The following CILK1 variants were observed in gnomAD, a reference collection of about 807,000 sequenced individuals.
CILK1 encodes the protein serine/threonine-protein kinase ICK.
A neutral mutation model predicts 79.2 loss-of-function variants in CILK1; 47 were observed. That is an observed-to-expected ratio of 0.59 (90% CI 0.47 to 0.76). The LOEUF (loss-of-function observed/expected upper bound fraction) is 0.76. CILK1 is among the 30% of genes least tolerant of loss of function. The pLI is 0.00. For missense variants in CILK1, 660 were observed against 769.5 expected (o/e 0.86, Z 1.68); for synonymous variants, 266 against 275.9 (o/e 0.96, Z 0.36).
chr6:53,054,927 C>A (rs193118103), intron 1 of CILK1, among the ~76,000 whole-genome samples: 1 of 152,250 alleles, frequency 6.6e-6, no homozygotes, highest in Non-Finnish European at 1.5e-5. Context: ...AAAATGGAGG[C>A]GAGGGGCAGG....
intron 1 of CILK1, among the ~76,000 whole-genome samples, chr6:53,048,574 C>T (rs1035466808): frequency 3.9e-5 from 6 of 152,238 alleles, no homozygotes; most frequent in Non-Finnish European, 7.4e-5. Context: ...TGTGGTGGCC[C>T]AAATATGATG....
chr6:53,020,063 A>G (rs538696020), intron 5 of CILK1, among the ~76,000 whole-genome samples: 5 of 152,206 alleles, frequency 3.3e-5, no homozygotes, highest in African/African-American at 1.2e-4. Context: ...AATATGACCT[A>G]CTCATATCTG....
intron 4 of CILK1, among the ~76,000 whole-genome samples, 153 bp from the exon 5 acceptor site, chr6:53,031,297 T>C (rs1765945916): frequency 6.6e-6 from 1 of 152,186 alleles, no homozygotes; most frequent in Admixed American, 6.5e-5. Flanking sequence ...AAACATTTGA[T>C]AGTAAGCCAA....
intron 13 of CILK1, 109 bp downstream of exon 13, chr6:53,006,206 C>T: frequency 9.9e-7 from 1 of 1,014,288 alleles, no homozygotes; most frequent in African/African-American, 1.6e-5. Flanking sequence ...CTGTAGAGTG[C>T]AAGTTTCATT....
intron 6 of CILK1, 27 bp from the exon 7 acceptor site, chr6:53,018,528 C>T (rs1765027470): frequency 6.2e-7 from 1 of 1,607,560 alleles, no homozygotes; most frequent in Admixed American, 1.7e-5. Context: ...TAACTGCTAG[C>T]TATTGCTTCC....
chr6:53,010,837 G>A (rs756230742), intron 11 of CILK1, among the ~76,000 whole-genome samples: 3 of 152,208 alleles, frequency 2.0e-5, no homozygotes, highest in Non-Finnish European at 4.4e-5. Context: ...CAGATAAGCT[G>A]TGTGAGGGTG....
At chr6:53,026,426 G>A (rs1055925073) in intron 5 of CILK1, among the ~76,000 whole-genome samples, 2 of 152,182 alleles carry the variant, frequency 1.3e-5, no homozygotes, top group Non-Finnish European at 2.9e-5. Context: ...TGGGATTACA[G>A]GCATGAGCCA....
Position 53,018,415 on chromosome 6 carries a change from ACTT to A in CILK1, c.575_577del (p.Glu192del). ...AGGGAAGAGTGGCCTGAGGGTGTAA[ACTT>A]CTGCCATGATGCAGCCCACCGCCCA... On this transcript the variant is annotated inframe_deletion, in exon 7 of 14. Coordinates refer to ENST00000676107, the MANE Select transcript of CILK1 (RefSeq NM_014920.5). 1.9e-6 allele frequency: 3 copies of A among 1,614,048 alleles called. No individual in the cohort carries two copies. The highest frequency in any genetic ancestry group is 2.5e-6 in the Non-Finnish European group (3 of 1,180,000).
rs747205250 is a variant in CILK1 at position 53,012,247 on chromosome 6, G to T, written c.1153-20C>A. The T allele has an allele frequency of 1.2e-6, 2 of 1,612,246 alleles. No homozygotes were observed. Among genetic ancestry groups the T allele is most frequent in the South Asian group, 1.1e-5 (1 of 90,984 alleles). Reference sequence around the variant, plus strand: ...GATTTTCTGTGTAAACAAACGGGGTGGGGGAAAGCAATACTTGGCATTAAC... The same window carrying T: ...GATTTTCTGTGTAAACAAACGGGGTTGGGGAAAGCAATACTTGGCATTAAC... On this transcript the variant is annotated intron_variant, in intron 9 of 13. Coordinates refer to ENST00000676107, the MANE Select transcript of CILK1 (RefSeq NM_014920.5).
At chr6:53,014,526 T>C (rs1451274993) in intron 8 of CILK1, among the ~76,000 whole-genome samples, 1 of 152,264 alleles carries the variant, frequency 6.6e-6, no homozygotes, top group Non-Finnish European at 1.5e-5. Context: ...TAACTGAGTT[T>C]TCTGGATAGC....
At chr6:53,030,748 C>T (rs549328886) in intron 5 of CILK1, among the ~76,000 whole-genome samples, 12 of 152,272 alleles carry the variant, frequency 7.9e-5, no homozygotes, top group African/African-American at 2.6e-4. Flanking sequence ...AAACATAATA[C>T]ATGAAACTGC....
intron 2 of CILK1, among the ~76,000 whole-genome samples, chr6:53,038,540 C>T (rs1395321397): frequency 6.6e-6 from 1 of 152,150 alleles, no homozygotes; most frequent in Non-Finnish European, 1.5e-5. Context: ...ACCCATGGGC[C>T]AAAACCTCAC....
In CILK1 at chr6:53,041,305, C is replaced by T. The variant is rs943459169; in HGVS notation, c.-69G>A. The T allele has an allele frequency of 1.9e-6, 2 of 1,069,200 alleles. No individual in the cohort carries two copies. Among genetic ancestry groups the T allele is most frequent in the African/African-American group, 1.5e-5 (1 of 64,598 alleles). The allele number at this position is 1,069,200 out of a possible 1,614,324, so 66.2% of individuals were successfully genotyped here. A position where few individuals can be genotyped will look rare whatever the true frequency, so the allele number is the denominator to read the frequency against. On this transcript the variant is annotated 5_prime_UTR_variant, in exon 2 of 14. Coordinates refer to ENST00000676107, the MANE Select transcript of CILK1 (RefSeq NM_014920.5). ...GTTCAGTTCTGCAGTGGTAGCAGTC[C>T]TCCCCAGAGTGTAACCAGATTTTTC...
At chr6:53,005,597 A>G (rs1161513339) in intron 13 of CILK1, among the ~76,000 whole-genome samples, 1 of 152,148 alleles carries the variant, frequency 6.6e-6, no homozygotes, top group Non-Finnish European at 1.5e-5. Flanking sequence ...CTTTTTACCA[A>G]CTGAACTACT....
chr6:53,015,165 C>T (rs1229720771), intron 8 of CILK1, among the ~76,000 whole-genome samples: 1 of 152,226 alleles, frequency 6.6e-6, no homozygotes, highest in Non-Finnish European at 1.5e-5. Context: ...ATCCTCATCA[C>T]TCTTCTTCTG....
In CILK1 at chr6:53,005,973, T is replaced by C. The variant is rs557106181; in HGVS notation, c.1744+342A>G. On this transcript the variant is annotated intron_variant, in intron 13 of 13. Transcript: ENST00000676107. Reference sequence around the variant, plus strand: ...AATCTCCTGTCTGGAAAAGCCTCACTCATACTGTATGCTTGCTCAATCACC... The same window carrying C: ...AATCTCCTGTCTGGAAAAGCCTCACCCATACTGTATGCTTGCTCAATCACC... Among the ~76,000 whole-genome samples, 11 of 152,258 alleles carry C rather than the reference T, an allele frequency of 7.2e-5. 1 individual carries two copies. The South Asian group carries it at 2.1e-3, about 29-fold the overall frequency.
chr6:53,051,839 G>T (rs569106967), intron 1 of CILK1, among the ~76,000 whole-genome samples: 1 of 152,312 alleles, frequency 6.6e-6, no homozygotes, highest in East Asian at 1.9e-4. Flanking sequence ...TTCATTCAAA[G>T]TTGGGTGTTT....
intron 5 of CILK1, among the ~76,000 whole-genome samples, chr6:53,030,650 T>TA (rs921099376): frequency 2.6e-5 from 4 of 152,370 alleles, no homozygotes; most frequent in Admixed American, 2.6e-4. Context: ...TACATTTTGT[T>TA]AGACTACTTT....
Position 53,031,932 on chromosome 6 carries a change from C to A in CILK1, c.278+601G>T, listed in dbSNP as rs542991923. Among the ~76,000 whole-genome samples, 20 of 152,294 alleles carry A rather than the reference C, an allele frequency of 1.3e-4. No individual in the cohort carries two copies. In the East Asian group the frequency reaches 2.1e-3, roughly 16 times the overall value. On this transcript the variant is annotated intron_variant, in intron 4 of 13. Transcript: ENST00000676107. ...CACCCCAACCTCTGCCTCCCATGTT[C>A]AAGTGATTCTCCTGCCTCAGTATCC...
Sources: allele counts gnomAD v4.1 joint callset (sites outside exome capture counted in the v4.1 genomes callset), GRCh38; gene constraint gnomAD v4.1.1; transcripts MANE v1.5; gene names NCBI Gene and HGNC (gene_info 2026-07-23, HGNC 2026-07-21).